Variants in PCDH7 observed in about 807,000 individuals in gnomAD.
PCDH7 encodes the protein protocadherin 7.
A neutral mutation model predicts 58.9 loss-of-function variants in PCDH7; 17 were observed. That is an observed-to-expected ratio of 0.29 (90% CI 0.20 to 0.43). The LOEUF is 0.43. PCDH7 is among the 20% of genes least tolerant of loss of function. PCDH7 has a pLI of 1.00. For synonymous variants in PCDH7, 664 were observed against 616.4 expected, an observed-to-expected ratio of 1.08 and a Z score of -1.14; for missense variants, 1,274 against 1,441.0, an observed-to-expected ratio of 0.88 and a Z score of 1.88.
At chr4:31,016,895 TG>T (rs1753658357) in intron 3 of PCDH7, among the ~76,000 whole-genome samples, 1 of 148,866 alleles carries the variant, frequency 6.7e-6, no homozygotes, top group Non-Finnish European at 1.5e-5. Context: ...GTGTGTGTGC[TG>T]GGTGTGTGTG....
At chr4:30,737,178 G>A (rs1259540559), downstream of PCDH7, among the ~76,000 whole-genome samples, 1 of 152,132 alleles carries the variant, frequency 6.6e-6, no homozygotes, top group African/African-American at 2.4e-5. Flanking sequence ...CTCCTCTTCT[G>A]TCACTTTAGA....
chr4:30,767,480 G>A (rs546650829), intron 1 of PCDH7, among the ~76,000 whole-genome samples: 5 of 152,268 alleles, frequency 3.3e-5, no homozygotes, highest in South Asian at 2.1e-4. Context: ...TTCACAGCCC[G>A]GGTATGTCTG....
chr4:30,786,871 G>T (rs1723466226), intron 1 of PCDH7: 2 of 447,032 alleles, frequency 4.5e-6, no homozygotes, highest in African/African-American at 4.3e-5. Flanking sequence ...TGTGTAAAAA[G>T]AAATCGATTC....
chr4:30,765,269 T>A (rs1720604626), intron 1 of PCDH7, among the ~76,000 whole-genome samples: 1 of 151,372 alleles, frequency 6.6e-6, no homozygotes, highest in Non-Finnish European at 1.5e-5. Flanking sequence ...AAAAATGCCC[T>A]CAAATTCCAC....
At chr4:30,758,676 A>T (rs1252281779) in intron 1 of PCDH7, among the ~76,000 whole-genome samples, 1 of 152,186 alleles carries the variant, frequency 6.6e-6, no homozygotes, top group Admixed American at 6.5e-5. Flanking sequence ...GCATCGGTGG[A>T]CAGGAAGGGA....
intron 3 of PCDH7, among the ~76,000 whole-genome samples, chr4:31,016,785 G>T (rs1753637299): frequency 6.6e-6 from 1 of 150,882 alleles, no homozygotes; most frequent in African/African-American, 2.4e-5. Flanking sequence ...AAGGGCTATT[G>T]TGTGTGTGTG....
In PCDH7 at chr4:30,785,494, A is replaced by G. The variant is rs149443814; in HGVS notation, c.70+60898A>G. Among the ~76,000 whole-genome samples the G allele has an allele frequency of 8.9e-3, 1,358 of 152,138 alleles. 25 individuals are homozygous for G. The highest frequency in any genetic ancestry group is 0.031 in the African/African-American group (1,297 of 41,532). On this transcript the variant is annotated intron_variant, in intron 1 of 3. Coordinates refer to the PCDH7 transcript ENST00000509759. ...GCTATTGCTAGAGAAACAAAAAGAT[A>G]TTGTTTTTATTTCTAGAAGAAGACA...
chr4:30,977,960 A>G (rs1489827738), intron 3 of PCDH7, among the ~76,000 whole-genome samples: 1 of 152,206 alleles, frequency 6.6e-6, no homozygotes, highest in Non-Finnish European at 1.5e-5. Flanking sequence ...CATGCTCCTT[A>G]GCTTCGTATA....
intron 3 of PCDH7, among the ~76,000 whole-genome samples, chr4:31,006,484 T>G (rs889739224): frequency 6.6e-6 from 1 of 152,146 alleles, no homozygotes; most frequent in Non-Finnish European, 1.5e-5. Context: ...GAGACATATA[T>G]TTAGGCATAA....
At chr4:31,144,299 G>A (rs957702122), downstream of PCDH7, 2 of 152,126 alleles carry the variant, frequency 1.3e-5, no homozygotes, top group Non-Finnish European at 2.9e-5. Flanking sequence ...GGAGTTTTGG[G>A]CAGTGACATT....
chr4:30,845,220 AAC>A (rs1731758677), intron 1 of PCDH7, among the ~76,000 whole-genome samples: 1 of 152,184 alleles, frequency 6.6e-6, no homozygotes, highest in Non-Finnish European at 1.5e-5. Context: ...GAAAAGGTGA[AAC>A]ACATTAAAAG....
chr4:30,988,065 G>GCA (rs751761887), intron 3 of PCDH7, among the ~76,000 whole-genome samples: 2 of 152,112 alleles, frequency 1.3e-5, no homozygotes, highest in Non-Finnish European at 2.9e-5. Context: ...TCCCTAGAAA[G>GCA]CACACAGACA....
chr4:31,086,417 A>G (rs1426321944), intron 3 of PCDH7, among the ~76,000 whole-genome samples: 1 of 152,204 alleles, frequency 6.6e-6, no homozygotes, highest in African/African-American at 2.4e-5. Flanking sequence ...CATGCACACC[A>G]TAACCTCATC....
At chr4:30,962,299 T>G (rs1401633647) in intron 3 of PCDH7, among the ~76,000 whole-genome samples, 2 of 152,210 alleles carry the variant, frequency 1.3e-5, no homozygotes, top group Non-Finnish European at 1.5e-5. Context: ...CTCCTGCCAT[T>G]GTAATTGGGG....
chr4:31,110,958 T>C (rs894333956), intron 3 of PCDH7, among the ~76,000 whole-genome samples: 4 of 151,674 alleles, frequency 2.6e-5, no homozygotes, highest in East Asian at 3.9e-4. Context: ...ACTTAGATCA[T>C]GTAAAAGTCA....
chr4:30,984,555 A>G (rs1176813849), intron 3 of PCDH7, among the ~76,000 whole-genome samples: 4 of 152,186 alleles, frequency 2.6e-5, no homozygotes, highest in African/African-American at 4.8e-5. Context: ...TGATTCTGTG[A>G]TCGTTACTGT....
intron 1 of PCDH7, among the ~76,000 whole-genome samples, chr4:30,853,552 T>C (rs1733055567): frequency 6.6e-6 from 1 of 152,110 alleles, no homozygotes; most frequent in Non-Finnish European, 1.5e-5. Context: ...GGAGGATTCA[T>C]TCAAGTTTTA....
intron 3 of PCDH7, among the ~76,000 whole-genome samples, chr4:31,105,774 G>T (rs1484034417): frequency 1.3e-5 from 2 of 152,082 alleles, no homozygotes; most frequent in Non-Finnish European, 2.9e-5. Flanking sequence ...TTAGGAGGCC[G>T]AGGTGGGCGG....
chr4:30,842,719 C>A (rs767900447), intron 1 of PCDH7, among the ~76,000 whole-genome samples: 1 of 152,064 alleles, frequency 6.6e-6, no homozygotes, highest in Non-Finnish European at 1.5e-5. Context: ...AGCTTATATT[C>A]TGTAGGAGGC....
Sources: allele counts gnomAD v4.1 joint callset (sites outside exome capture counted in the v4.1 genomes callset), GRCh38; gene constraint gnomAD v4.1.1; transcripts MANE v1.5; gene names NCBI Gene and HGNC (gene_info 2026-07-23, HGNC 2026-07-21).